HAPLN2: variants seen among roughly 807,000 people sequenced by gnomAD.
The protein encoded by HAPLN2 is hyaluronan and proteoglycan link protein 2, also known as brain link protein-1.
A neutral mutation model predicts 29.3 loss-of-function variants in HAPLN2; 27 were observed. That is an observed-to-expected ratio of 0.92 (90% confidence interval 0.68 to 1.27). The LOEUF (loss-of-function observed/expected upper bound fraction) is 1.27, where lower values mean the gene tolerates loss of function less well. Among genes scored for constraint, HAPLN2 ranks in the 50% most tolerant of loss-of-function variants. The pLI, the probability that HAPLN2 is intolerant of heterozygous loss-of-function variation, is 0.00. For missense variants in HAPLN2, 454 were observed against 484.3 expected (o/e 0.94, Z 0.59); for synonymous variants, 208 against 211.7 (o/e 0.98, Z 0.15).
the HAPLN2 span, among the ~76,000 whole-genome samples, chr1:156,611,993 T>C: frequency 6.6e-6 from 1 of 152,336 alleles, no homozygotes; most frequent in Admixed American, 6.5e-5. Context: ...TATTTATTTA[T>C]TCAGAAAATA....
In HAPLN2 at chr1:156,625,655, G is replaced by C. The variant is rs1135646; in HGVS notation, c.*271G>C. ...CTAGCAGAGGACTCAGCCACCGCCG[G>C]GGGGAGGGTGAGGCGGCCGGGGGCA... On this transcript the variant is annotated 3_prime_UTR_variant, in exon 7 of 7. Coordinates refer to ENST00000255039, the MANE Select transcript of HAPLN2 (RefSeq NM_021817.3). This position sits in a 1 kb window ranked among gnomAD's most constrained non-coding sequence, Gnocchi z 5.7. The C allele has an allele frequency of 3.1e-5, 13 of 416,354 alleles. No homozygotes were observed. The highest frequency in any genetic ancestry group is 2.7e-4 in the African/African-American group (13 of 47,748). The allele number at this position is 416,354 out of a possible 1,614,324, so 25.8% of individuals were successfully genotyped here.
Position 156,624,088 on chromosome 1 carries a change from G to C in HAPLN2, c.367G>C (p.Glu123Gln), listed in dbSNP as rs751399938. The C allele has an allele frequency of 1.2e-6, 2 of 1,613,560 alleles. No homozygotes were observed. Among genetic ancestry groups the C allele is most frequent in the African/African-American group, 2.7e-5 (2 of 74,924 alleles). The change falls in exon 4 of 7, where the codon GAG (glutamate) becomes CAG (glutamine). Residue 123 changes from glutamate to glutamine, a missense_variant. Physicochemically the swap from Glu to Gln is conservative, Grantham distance 29. Around this residue, in one of 3 missense-constraint regions of HAPLN2, gnomAD observed 204 missense variants for 209.2 expected, o/e 0.98. Transcript: ENST00000255039. The part of the protein sequence containing the change: ...LVIAGVRLED[E>Q]GRYRCELING... ...CATCGCGGGCGTGCGCCTGGAGGACGAGGGCCGGTACCGCTGCGAGCTCAT... is the reference window on the plus strand; with the variant it reads ...CATCGCGGGCGTGCGCCTGGAGGACCAGGGCCGGTACCGCTGCGAGCTCAT...
intron 4 of HAPLN2, 36 bp from the exon 5 acceptor site, chr1:156,624,315 C>A: frequency 6.4e-7 from 1 of 1,562,668 alleles, no homozygotes. Context: ...CCGCTCCCAT[C>A]CGCTGGCCCT....
chr1:156,609,819 C>T, the HAPLN2 span, among the ~76,000 whole-genome samples: 1 of 152,196 alleles, frequency 6.6e-6, no homozygotes, highest in East Asian at 1.9e-4. Context: ...ACTACGCTTA[C>T]TACCTGGGTG....
chr1:156,617,041 G>T (rs1382720486), upstream of HAPLN2, among the ~76,000 whole-genome samples: 1 of 152,072 alleles, frequency 6.6e-6, no homozygotes, highest in Non-Finnish European at 1.5e-5. Context: ...AGTGCGCCAT[G>T]ATCGTATCAC....
chr1:156,623,752 G>A (rs1427605258), intron 3 of HAPLN2, 55 bp from the exon 4 acceptor site: 3 of 1,470,828 alleles, frequency 2.0e-6, no homozygotes, highest in Non-Finnish European at 2.7e-6. Flanking sequence ...GGTCTGATGG[G>A]CACTTGGGGC....
chr1:156,620,403 G>T (rs1174372061), intron 2 of HAPLN2, among the ~76,000 whole-genome samples: 1 of 152,158 alleles, frequency 6.6e-6, no homozygotes, highest in Non-Finnish European at 1.5e-5. Flanking sequence ...CCTCAGGATT[G>T]CTGGGAGGAG....
At chr1:156,610,018 G>A in the HAPLN2 span, among the ~76,000 whole-genome samples, 19 of 151,670 alleles carry the variant, frequency 1.3e-4, no homozygotes, top group East Asian at 3.9e-4. Flanking sequence ...GATGGAGACC[G>A]TCTTGACCAA....
chr1:156,618,929 CT>C (rs1268718860), upstream of HAPLN2, among the ~76,000 whole-genome samples: 1 of 151,924 alleles, frequency 6.6e-6, no homozygotes, highest in Non-Finnish European at 1.5e-5. Context: ...GATAACTTCT[CT>C]TTTGGAGAGG....
the HAPLN2 span, among the ~76,000 whole-genome samples, chr1:156,613,651 C>T: frequency 6.6e-6 from 1 of 152,056 alleles, no homozygotes; most frequent in Non-Finnish European, 1.5e-5. Context: ...TGTGGTGGCT[C>T]ATGTCTGTAA....
In HAPLN2 at chr1:156,624,065, T is replaced by C. The variant is rs1442593614; in HGVS notation, c.344T>C (p.Ile115Thr). 1.2e-6 allele frequency: 2 copies of C among 1,613,502 alleles called. No homozygotes were observed. The highest frequency in any genetic ancestry group is 4.5e-5 in the East Asian group (2 of 44,858). ...CATCGACTAGACGCCTCCCTGGTCA[T>C]CGCGGGCGTGCGCCTGGAGGACGAG... ...RGHRLDASLVIAGVRLEDEGR... is the reference protein window; with the variant it reads ...RGHRLDASLVTAGVRLEDEGR... Residue 115 changes from isoleucine to threonine, a missense_variant, in exon 4 of 7, where the codon ATC (isoleucine) becomes ACC (threonine). Physicochemically the swap from Ile to Thr is moderately conservative, Grantham distance 89 (BLOSUM62 -1). This residue lies in a region of HAPLN2 where 204 missense variants were observed against 209.2 expected (regional missense o/e 0.98). Transcript: ENST00000255039.
chr1:156,623,446 C>T (rs1254994458), intron 2 of HAPLN2, 21 bp from the exon 3 acceptor site: 1 of 1,604,954 alleles, frequency 6.2e-7, no homozygotes, highest in African/African-American at 1.3e-5. Context: ...CTAAGAACTG[C>T]CCACTCTTTG....
chr1:156,610,585 A>G, the HAPLN2 span, among the ~76,000 whole-genome samples: 1 of 152,000 alleles, frequency 6.6e-6, no homozygotes, highest in Non-Finnish European at 1.5e-5. Flanking sequence ...GGTTGCAGTG[A>G]GCCGAGATCG....
chr1:156,623,989 C>A lies in HAPLN2; in HGVS notation c.268C>A (p.His90Asn). The change falls in exon 4 of 7, where the codon CAC (histidine) becomes AAC (asparagine). Residue 90 changes from histidine (H) to asparagine (N), a missense_variant. Around this residue, in one of 3 missense-constraint regions of HAPLN2, gnomAD observed 204 missense variants for 209.2 expected, o/e 0.98. Coordinates refer to ENST00000255039, the MANE Select transcript of HAPLN2 (RefSeq NM_021817.3). ...ETLILITNGL[H>N]ARGYGPLGGR... Reference sequence around the variant, plus strand: ...GCTGATCCTCATCACCAACGGACTGCACGCCCGGGGGTATGGGCCCCTGGG... The same window carrying A: ...GCTGATCCTCATCACCAACGGACTGAACGCCCGGGGGTATGGGCCCCTGGG... 1 of 1,608,046 alleles carries A rather than the reference C, an allele frequency of 6.2e-7. No individual in the cohort carries two copies. Among genetic ancestry groups the A allele is most frequent in the South Asian group, 1.1e-5 (1 of 90,102 alleles).
the HAPLN2 span, among the ~76,000 whole-genome samples, chr1:156,604,326 C>G: frequency 6.9e-6 from 1 of 145,396 alleles, no homozygotes; most frequent in Non-Finnish European, 1.5e-5. Context: ...GAGACAGAGT[C>G]TCTATCGCCA....
chr1:156,624,908 A>AGGGGGGGGGG, intron 6 of HAPLN2, 125 bp downstream of exon 6: 1 of 1,017,152 alleles, frequency 9.8e-7, no homozygotes, highest in Non-Finnish European at 1.4e-6. Context: ...CCCCCCCATC[A>AGGGGGGGGGG]GCCCGCCCGC....
At chr1:156,618,412 G>C (rs936855344), upstream of HAPLN2, among the ~76,000 whole-genome samples, 1 of 151,612 alleles carries the variant, frequency 6.6e-6, no homozygotes, top group African/African-American at 2.4e-5. Flanking sequence ...CCAGGTGTTC[G>C]AGGCTGCAGT....
At chr1:156,614,422 C>T (rs1053409602), upstream of HAPLN2, among the ~76,000 whole-genome samples, 2 of 152,100 alleles carry the variant, frequency 1.3e-5, no homozygotes, top group Non-Finnish European at 1.5e-5. Context: ...ATGGATTTCA[C>T]CATGATGGCC....
At chr1:156,618,305 CAAAAA>C (rs57219264), upstream of HAPLN2, among the ~76,000 whole-genome samples, 17 of 103,198 alleles carry the variant, frequency 1.6e-4, no homozygotes, top group Admixed American at 5.6e-4. Flanking sequence ...GACTCTGTCT[CAAAAA>C]AAAAAAAAAA....
Sources: gnomAD v4.1 joint callset for allele counts (sites outside exome capture counted in the v4.1 genomes callset) on GRCh38, gnomAD v4.1.1 for gene constraint, gnomAD v4.1.1 regional missense constraint, Gnocchi (gnomAD v3.1) non-coding constraint, MANE v1.5 for transcripts, NCBI Gene and HGNC (gene_info 2026-07-23, HGNC 2026-07-21) for gene names.